The following CHRNA5 variants were observed in gnomAD, a reference collection of about 807,000 sequenced individuals.
CHRNA5 encodes the protein neuronal acetylcholine receptor subunit alpha-5.
A neutral mutation model predicts 41.2 loss-of-function variants in CHRNA5; 28 were observed. The ratio of observed to expected loss-of-function variants is 0.68; its 90% CI spans 0.50 to 0.93. The LOEUF is 0.93. Among genes scored for constraint, CHRNA5 ranks in the 40% least tolerant of loss-of-function variants. The pLI is 0.00. For missense variants in CHRNA5, 481 were observed against 581.9 expected (o/e 0.83, Z 1.78); for synonymous variants, 188 against 205.8 (o/e 0.91, Z 0.74).
chr15:78,582,343 G>C (rs1045643162), intron 2 of CHRNA5, among the ~76,000 whole-genome samples: 5 of 152,050 alleles, frequency 3.3e-5, no homozygotes, highest in Non-Finnish European at 4.4e-5. Flanking sequence ...AAAATTAGCT[G>C]GGCGGTGGTC....
intron 1 of CHRNA5, among the ~76,000 whole-genome samples, chr15:78,579,279 A>C (rs1418062720): frequency 6.6e-6 from 1 of 151,696 alleles, no homozygotes; most frequent in Non-Finnish European, 1.5e-5. Flanking sequence ...TTTGAGACAG[A>C]GTCTCGCTCT....
intron 1 of CHRNA5, among the ~76,000 whole-genome samples, chr15:78,575,168 G>C (rs939537950): frequency 1.3e-5 from 2 of 152,090 alleles, no homozygotes; most frequent in African/African-American, 2.4e-5. Flanking sequence ...TGATTTGACT[G>C]TGATTTTTTT....
chr15:78,570,113 C>T lies in CHRNA5; in HGVS notation c.106+4288C>T, dbSNP rs1023594215. On this transcript the variant is annotated intron_variant, in intron 1 of 5. Transcript: ENST00000299565. ...TTGGGATTACAGGCGTGAGCCACCGCGCCTGGCCTGGGTATAGTTTTATAA... is the reference window on the plus strand; with the variant it reads ...TTGGGATTACAGGCGTGAGCCACCGTGCCTGGCCTGGGTATAGTTTTATAA... Among the ~76,000 whole-genome samples the T allele has an allele frequency of 3.3e-5, 5 of 151,956 alleles. 1 individual carries two copies. The South Asian group carries it at 8.3e-4, about 25-fold the overall frequency.
In CHRNA5 at chr15:78,585,821, G is replaced by A. The variant is rs551935106; in HGVS notation, c.259-824G>A. Among the ~76,000 whole-genome samples, 52 of 124,530 alleles carry A rather than the reference G, an allele frequency of 4.2e-4. No homozygotes were observed. The South Asian group carries it at 4.3e-3, about 10-fold the overall frequency. The allele number at this position is 124,530 out of a possible 152,430, so 81.7% of individuals were successfully genotyped here. ...TTTTTTTGAGATGGAGTCTCGCTGT[G>A]TTGCCCAGGCTGTAGTGCAGTGGCA... On this transcript the variant is annotated intron_variant, in intron 2 of 5. Coordinates refer to ENST00000299565, the Ensembl canonical transcript of CHRNA5.
chr15:78,573,792 ATT>A (rs775402423), intron 1 of CHRNA5, among the ~76,000 whole-genome samples: 8 of 139,752 alleles, frequency 5.7e-5, no homozygotes, highest in East Asian at 2.1e-4. Flanking sequence ...TGTTCCTAGA[ATT>A]TTTTTTTTTT....
At chr15:78,593,601 T>G (rs2053047180) in exon 6 of CHRNA5, 1 of 163,868 alleles carries the variant, frequency 6.1e-6, no homozygotes, top group Non-Finnish European at 1.3e-5. Context: ...TGAAGACTGA[T>G]TTTAAAACTT....
chr15:78,569,037 A>C (rs189562557), intron 1 of CHRNA5, among the ~76,000 whole-genome samples: 2 of 152,226 alleles, frequency 1.3e-5, no homozygotes, highest in African/African-American at 4.8e-5. Flanking sequence ...TTTGTTATAT[A>C]TATGTCCTTA....
rs957604007 is a variant in CHRNA5, at chr15:78,585,398, C to T, written c.259-1247C>T. Among the ~76,000 whole-genome samples the T allele has an allele frequency of 8.5e-5, 13 of 152,070 alleles. 1 individual carries two copies. The highest frequency in any genetic ancestry group is 4.2e-4 in the South Asian group (2 of 4,816). On this transcript the variant is annotated intron_variant, in intron 2 of 5. Coordinates refer to ENST00000299565, the Ensembl canonical transcript of CHRNA5. Reference sequence around the variant, plus strand: ...CTGGGTCACTTACCTGTTGTTGGGACGGGATAAGGAATGGGTCACCTCCAG... The same window carrying T: ...CTGGGTCACTTACCTGTTGTTGGGATGGGATAAGGAATGGGTCACCTCCAG...
At chr15:78,590,046 G>C in exon 5 of CHRNA5, 2 of 1,614,204 alleles carry the variant, frequency 1.2e-6, no homozygotes, top group Non-Finnish European at 1.7e-6. Flanking sequence ...TGGAGAATGG[G>C]AGATTGTGAG....
At chr15:78,571,912 A>G (rs1184876456) in intron 1 of CHRNA5, among the ~76,000 whole-genome samples, 1 of 152,212 alleles carries the variant, frequency 6.6e-6, no homozygotes, top group African/African-American at 2.4e-5. Flanking sequence ...CCTCGTTTAC[A>G]AAATGGTTAC....
intron 1 of CHRNA5, among the ~76,000 whole-genome samples, chr15:78,572,679 C>T (rs1209515688): frequency 1.3e-5 from 2 of 151,996 alleles, no homozygotes; most frequent in African/African-American, 4.8e-5. Context: ...GACGGAGTTT[C>T]TCCATGTTGG....
chr15:78,593,015 C>G lies in CHRNA5; in HGVS notation c.1246-77C>G, dbSNP rs1190561145. 18 of 1,534,522 alleles carry G rather than the reference C, an allele frequency of 1.2e-5. No individual in the cohort carries two copies. The South Asian group carries it at 2.1e-4, about 18-fold the overall frequency. On this transcript the variant is annotated intron_variant, in intron 5 of 5. Transcript: ENST00000299565. Reference sequence around the variant, plus strand: ...AGGCAGAAATCGATTTGGCTTCTAACTCAGTGTGTTTGTTATATCTTAAAA... The same window carrying G: ...AGGCAGAAATCGATTTGGCTTCTAAGTCAGTGTGTTTGTTATATCTTAAAA...
chr15:78,579,581 T>G (rs1026082519), intron 1 of CHRNA5, among the ~76,000 whole-genome samples: 3 of 152,156 alleles, frequency 2.0e-5, no homozygotes, highest in African/African-American at 7.2e-5. Flanking sequence ...AAATAAACCT[T>G]TCTTGATTCT....
intron 1 of CHRNA5, among the ~76,000 whole-genome samples, chr15:78,570,960 C>CA (rs1356574305): frequency 3.9e-5 from 6 of 152,274 alleles, no homozygotes; most frequent in Admixed American, 6.5e-5. Flanking sequence ...GCCCTGGGGG[C>CA]AAAATTGTTC....
At chr15:78,580,767 G>A (rs2052904816) in intron 1 of CHRNA5, 44 bp from the exon 2 acceptor site, 2 of 1,531,670 alleles carry the variant, frequency 1.3e-6, no homozygotes, top group Non-Finnish European at 1.8e-6. Context: ...GGTATCTGGT[G>A]GGAGAGAAGC....
At chr15:78,567,259 A>AG (rs1262229828) in intron 1 of CHRNA5, among the ~76,000 whole-genome samples, 9 of 145,118 alleles carry the variant, frequency 6.2e-5, no homozygotes, top group South Asian at 2.2e-4. Flanking sequence ...TCTCAAAAAA[A>AG]AAAAAAAAGA....
chr15:78,570,221 C>T (rs1353232224), intron 1 of CHRNA5, among the ~76,000 whole-genome samples: 1 of 151,938 alleles, frequency 6.6e-6, no homozygotes, highest in Non-Finnish European at 1.5e-5. Flanking sequence ...TTTTGTTCTC[C>T]TTTGAGGAAA....
intron 1 of CHRNA5, among the ~76,000 whole-genome samples, chr15:78,573,963 A>ATTTTTTTTTTTATT (rs2052831207): frequency 9.8e-6 from 1 of 102,102 alleles, no homozygotes; most frequent in Non-Finnish European, 2.0e-5. Context: ...CGCCTGGCTA[A>ATTTTTTTTTTTATT]TTTTTTTTTT....
intron 2 of CHRNA5, among the ~76,000 whole-genome samples, chr15:78,583,509 C>T (rs1014096547): frequency 1.3e-5 from 2 of 151,958 alleles, no homozygotes; most frequent in African/African-American, 2.4e-5. Context: ...CTGGCTAACA[C>T]GGTGAAACCC....
Sources: allele counts gnomAD v4.1 joint callset (sites outside exome capture counted in the v4.1 genomes callset), GRCh38; gene constraint gnomAD v4.1.1; transcripts MANE v1.5; gene names NCBI Gene and HGNC (gene_info 2026-07-23, HGNC 2026-07-21).